The following PSMD1 variants were observed in gnomAD, a reference collection of about 807,000 sequenced individuals.
PSMD1 encodes 26S proteasome non-ATPase regulatory subunit 1.
In PSMD1, 18 loss-of-function variants were observed where a neutral mutation model predicts 119.0. That is an observed-to-expected ratio of 0.15 (90% CI 0.10 to 0.22). PSMD1 has a LOEUF of 0.22. Among genes scored for constraint, PSMD1 ranks in the 10% least tolerant of loss-of-function variants. PSMD1 has a pLI of 1.00. For synonymous variants in PSMD1, 374 were observed against 396.6 expected (o/e 0.94, Z 0.68); for missense variants, 702 against 1,158.5 (o/e 0.61, Z 5.72).
chr2:231,152,401 T>C (rs1696394340), intron 18 of PSMD1, among the ~76,000 whole-genome samples: 1 of 152,218 alleles, frequency 6.6e-6, no homozygotes, highest in African/African-American at 2.4e-5. Context: ...CTTATTGAAC[T>C]ATGAAATGCC....
chr2:231,162,371 A>G (rs1696661359), intron 20 of PSMD1, among the ~76,000 whole-genome samples: 1 of 152,110 alleles, frequency 6.6e-6, no homozygotes, highest in South Asian at 2.1e-4. Context: ...CTTTGTATTG[A>G]TTTTTCAGTA....
intron 16 of PSMD1, chr2:231,123,853 T>A: frequency 1.9e-6 from 2 of 1,068,560 alleles, no homozygotes; most frequent in Non-Finnish European, 2.9e-6. Context: ...TAAGGCATTG[T>A]AACCATGCCA....
At chr2:231,096,462 C>G (rs765947846) in intron 16 of PSMD1, among the ~76,000 whole-genome samples, 1 of 152,176 alleles carries the variant, frequency 6.6e-6, no homozygotes, top group African/African-American at 2.4e-5. Context: ...AGAGATGTTA[C>G]TGGGACCCAT....
At chr2:231,078,785 C>CTTTTTA in intron 10 of PSMD1, 38 bp downstream of exon 10, 1 of 516,616 alleles carries the variant, frequency 1.9e-6, no homozygotes, top group Non-Finnish European at 2.9e-6. Flanking sequence ...GGTTCAAAAT[C>CTTTTTA]TTTTTCTTTT....
At chr2:231,057,445 A>C (rs1213700096) in intron 1 of PSMD1, among the ~76,000 whole-genome samples, 2 of 152,216 alleles carry the variant, frequency 1.3e-5, no homozygotes, top group Non-Finnish European at 1.5e-5. Flanking sequence ...CAGTAAGGCA[A>C]ACCCCCCTGA....
chr2:231,153,733 TA>T, intron 19 of PSMD1, 67 bp downstream of exon 19: 1 of 1,121,742 alleles, frequency 8.9e-7, no homozygotes, highest in Non-Finnish European at 1.3e-6. Flanking sequence ...CTATCTGCTC[TA>T]ACTATATGAC....
intron 4 of PSMD1, among the ~76,000 whole-genome samples, chr2:231,064,336 C>T (rs1381411214): frequency 6.6e-6 from 1 of 152,156 alleles, no homozygotes; most frequent in Admixed American, 6.5e-5. Flanking sequence ...CATAAATCTC[C>T]AAGTTATGAC....
chr2:231,121,169 A>G (rs1667514194), intron 16 of PSMD1, among the ~76,000 whole-genome samples: 1 of 152,190 alleles, frequency 6.6e-6, no homozygotes. Flanking sequence ...AAACCCCACT[A>G]TACAACTTAT....
chr2:231,095,961 C>CT (rs1362194774), intron 16 of PSMD1, among the ~76,000 whole-genome samples: 3 of 152,164 alleles, frequency 2.0e-5, no homozygotes, highest in Non-Finnish European at 4.4e-5. Context: ...ATTTCTTTCC[C>CT]TTTAAAGGCC....
intron 14 of PSMD1, among the ~76,000 whole-genome samples, chr2:231,084,809 G>A (rs112343463): frequency 6.6e-5 from 10 of 152,250 alleles, no homozygotes; most frequent in African/African-American, 1.2e-4. Flanking sequence ...ATTGCATAGC[G>A]TATTGGGAAT....
intron 16 of PSMD1, among the ~76,000 whole-genome samples, chr2:231,115,558 T>C (rs1040166581): frequency 6.6e-6 from 1 of 152,174 alleles, no homozygotes; most frequent in Admixed American, 6.5e-5. Flanking sequence ...CTTTTCAGTG[T>C]ATTACTGTAA....
At chr2:231,096,294 G>A (rs1454769109) in intron 16 of PSMD1, among the ~76,000 whole-genome samples, 1 of 152,172 alleles carries the variant, frequency 6.6e-6, no homozygotes, top group Non-Finnish European at 1.5e-5. Flanking sequence ...GGGGACTCAG[G>A]CAAAACCTCC....
At chr2:231,144,418 ATTTTTTTTTTTTTTTTT>A (rs751682132) in intron 17 of PSMD1, among the ~76,000 whole-genome samples, 6 of 75,192 alleles carry the variant, frequency 8.0e-5, no homozygotes, top group East Asian at 4.5e-4. Flanking sequence ...CGCCCAGCTA[ATTTTTTTTTTTTTTTTT>A]TTTTTTTTTT....
At chr2:231,096,807 A>C (rs1356690403) in intron 16 of PSMD1, among the ~76,000 whole-genome samples, 1 of 152,180 alleles carries the variant, frequency 6.6e-6, no homozygotes, top group Non-Finnish European at 1.5e-5. Flanking sequence ...AGGCTAAACT[A>C]ATTCTGATTG....
intron 19 of PSMD1, among the ~76,000 whole-genome samples, chr2:231,158,545 C>T (rs550240911): frequency 2.7e-4 from 41 of 152,242 alleles, no homozygotes; most frequent in Non-Finnish European, 1.0e-4. Flanking sequence ...AATTTAGCTT[C>T]GAAGTCCGAA....
intron 18 of PSMD1, among the ~76,000 whole-genome samples, chr2:231,148,047 A>T (rs1696289157): frequency 6.6e-6 from 1 of 152,250 alleles, no homozygotes; most frequent in Non-Finnish European, 1.5e-5. Flanking sequence ...TATTACAAAG[A>T]TAGAATCTGA....
At chr2:231,075,678 C>A in intron 8 of PSMD1, 107 bp downstream of exon 8, 1 of 952,740 alleles carries the variant, frequency 1.0e-6, no homozygotes, top group Non-Finnish European at 1.6e-6. Context: ...CTCCCAGGCT[C>A]AAGCTTTCCT....
At chr2:231,098,682 C>T (rs1188873190) in intron 16 of PSMD1, among the ~76,000 whole-genome samples, 1 of 152,138 alleles carries the variant, frequency 6.6e-6, no homozygotes, top group African/African-American at 2.4e-5. Flanking sequence ...TAGAGCTTCT[C>T]TTTCTTCCTC....
chr2:231,070,380 G>A (rs562488123), intron 6 of PSMD1, among the ~76,000 whole-genome samples: 2 of 152,086 alleles, frequency 1.3e-5, no homozygotes, highest in East Asian at 3.9e-4. Flanking sequence ...AAGCTATTTT[G>A]TTGTAACACA....
Sources: allele counts gnomAD v4.1 joint callset (sites outside exome capture counted in the v4.1 genomes callset), GRCh38; gene constraint gnomAD v4.1.1; transcripts MANE v1.5; gene names NCBI Gene and HGNC (gene_info 2026-07-23, HGNC 2026-07-21).